The following VAV1 variants were observed in gnomAD, a reference collection of about 807,000 sequenced individuals.
VAV1 encodes the protein vav guanine nucleotide exchange factor 1.
A neutral mutation model predicts 128.1 loss-of-function variants in VAV1; 33 were observed. That is an observed-to-expected ratio of 0.26 (90% CI 0.20 to 0.34). VAV1 has a LOEUF of 0.34. VAV1 is among the 10% of genes least tolerant of loss of function. The pLI, the probability that VAV1 is intolerant of heterozygous loss-of-function variation, is 1.00. For synonymous variants in VAV1, 394 were observed against 409.8 expected, an observed-to-expected ratio of 0.96 and a Z score of 0.47; for missense variants, 715 against 1,093.7, an observed-to-expected ratio of 0.65 and a Z score of 4.88.
intron 22 of VAV1, among the ~76,000 whole-genome samples, chr19:6,846,093 T>C (rs1287793590): frequency 1.3e-5 from 2 of 149,274 alleles, no homozygotes; most frequent in Non-Finnish European, 3.0e-5. Flanking sequence ...GTTACATTTA[T>C]GTCATATTGT....
intron 22 of VAV1, among the ~76,000 whole-genome samples, chr19:6,843,719 T>C (rs895812523): frequency 1.3e-5 from 2 of 152,194 alleles, no homozygotes; most frequent in Non-Finnish European, 2.9e-5. Flanking sequence ...GTCTGTCAAG[T>C]GCTTAGTCCT....
intron 1 of VAV1, among the ~76,000 whole-genome samples, chr19:6,776,701 C>T (rs1397082042): frequency 6.8e-6 from 1 of 147,088 alleles, no homozygotes; most frequent in Non-Finnish European, 1.5e-5. Flanking sequence ...CCCACCCATT[C>T]ACCTATCCAC....
intron 1 of VAV1, among the ~76,000 whole-genome samples, chr19:6,806,039 A>G (rs900476607): frequency 6.6e-6 from 1 of 152,150 alleles, no homozygotes; most frequent in Non-Finnish European, 1.5e-5. Context: ...TTACAGGTCA[A>G]CAAACCATGA....
At chr19:6,791,099 G>C (rs1162246490) in intron 1 of VAV1, among the ~76,000 whole-genome samples, 1 of 152,196 alleles carries the variant, frequency 6.6e-6, no homozygotes, top group Non-Finnish European at 1.5e-5. Context: ...AAGGACACTT[G>C]TTATTGGATT....
chr19:6,796,735 C>A (rs995033264), intron 1 of VAV1, among the ~76,000 whole-genome samples: 2 of 152,164 alleles, frequency 1.3e-5, no homozygotes, highest in Non-Finnish European at 2.9e-5. Flanking sequence ...CCCCTCCTGA[C>A]ATTCTCCATT....
intron 6 of VAV1, among the ~76,000 whole-genome samples, chr19:6,824,413 T>C (rs1385435872): frequency 6.6e-6 from 1 of 152,260 alleles, no homozygotes; most frequent in Non-Finnish European, 1.5e-5. Context: ...ATGTGGTTTA[T>C]ATGTGTCTGG....
intron 20 of VAV1, 24 bp downstream of exon 20, chr19:6,836,592 G>A (rs1294439054): frequency 1.9e-6 from 3 of 1,612,888 alleles, no homozygotes; most frequent in Non-Finnish European, 2.5e-6. Context: ...CCACAAGAGT[G>A]ATGGGGTGGG....
intron 1 of VAV1, among the ~76,000 whole-genome samples, chr19:6,794,453 T>C (rs961304820): frequency 6.6e-6 from 1 of 152,092 alleles, no homozygotes; most frequent in Non-Finnish European, 1.5e-5. Flanking sequence ...TGCAGTGAGC[T>C]ATGATTGCAT....
At chr19:6,815,768 T>C (rs1410787322) in intron 1 of VAV1, among the ~76,000 whole-genome samples, 1 of 152,160 alleles carries the variant, frequency 6.6e-6, no homozygotes, top group Non-Finnish European at 1.5e-5. Context: ...TAATATGACT[T>C]ACCTTGAAGA....
At chr19:6,802,535 C>T (rs1971298388) in intron 1 of VAV1, among the ~76,000 whole-genome samples, 1 of 152,010 alleles carries the variant, frequency 6.6e-6, no homozygotes, top group Non-Finnish European at 1.5e-5. Context: ...TTTGAGGCAT[C>T]ACATGACTGG....
rs1319908372 is a variant in VAV1, at chr19:6,822,128, G to A, written c.450-93G>A. The A allele has an allele frequency of 9.2e-6, 12 of 1,304,136 alleles. No homozygotes were observed. The highest frequency in any genetic ancestry group is 1.3e-5 in the Non-Finnish European group (12 of 931,010). 80.8% of individuals were successfully genotyped at this position (1,304,136 alleles called of 1,614,324 possible). ...TGGAGTCTGAGGTCCCACCCTTGGA[G>A]TCTTGGGGGGACAAAGCCCTGCGCT... On this transcript the variant is annotated intron_variant, in intron 4 of 26. Coordinates refer to ENST00000602142, the MANE Select transcript of VAV1 (RefSeq NM_005428.4). The surrounding 1 kb of genome is among the most constrained non-coding windows in gnomAD (Gnocchi z 5.9).
chr19:6,832,548 T>G (rs948611834), intron 15 of VAV1, among the ~76,000 whole-genome samples: 32 of 72,338 alleles, frequency 4.4e-4, no homozygotes, highest in South Asian at 1.8e-3. Flanking sequence ...CCTCTTCTTC[T>G]TCCTCCTCCT....
At chr19:6,776,653 C>T (rs1246880998) in intron 1 of VAV1, among the ~76,000 whole-genome samples, 1 of 152,012 alleles carries the variant, frequency 6.6e-6, no homozygotes, top group Non-Finnish European at 1.5e-5. Flanking sequence ...TCTATCCATC[C>T]ATCTACTTTT....
At chr19:6,838,306 TC>T in intron 21 of VAV1, among the ~76,000 whole-genome samples, 1 of 148,564 alleles carries the variant, frequency 6.7e-6, no homozygotes, top group Admixed American at 6.7e-5. Flanking sequence ...TATCTATCTA[TC>T]TATCTATCTA....
In VAV1 at chr19:6,850,774, G is replaced by C. The variant is rs746830286; in HGVS notation, c.2217+17G>C. The C allele has an allele frequency of 1.2e-6, 2 of 1,612,496 alleles. No homozygotes were observed. Among genetic ancestry groups the C allele is most frequent in the African/African-American group, 1.3e-5 (1 of 74,830 alleles). On this transcript the variant is annotated intron_variant, in intron 24 of 26. Transcript: ENST00000602142. ...GGGCTTACGGTAAGGGTCAATGTCC[G>C]CTCAATCCCAGCTTTCCAGAACCTA...
chr19:6,806,146 G>A (rs1289380826), intron 1 of VAV1, among the ~76,000 whole-genome samples: 1 of 152,112 alleles, frequency 6.6e-6, no homozygotes, highest in Non-Finnish European at 1.5e-5. Context: ...GAGTACAGTG[G>A]CACGATCTCG....
chr19:6,826,762 T>TG lies in VAV1; in HGVS notation c.927+56dup, dbSNP rs757708446. On this transcript the variant is annotated intron_variant, in intron 9 of 26. Transcript: ENST00000602142. The surrounding 1 kb of genome is among the most constrained non-coding windows in gnomAD (Gnocchi z 4.1). Reference sequence around the variant, plus strand: ...GCCTCTCCCGCTCCTCCCCAGGCCCTGGGGGCAGCAGGGAGGACACTGAGT... The same window carrying TG: ...GCCTCTCCCGCTCCTCCCCAGGCCCTGGGGGGCAGCAGGGAGGACACTGAGT... 9 of 1,426,706 alleles carry TG rather than the reference T, an allele frequency of 6.3e-6. No individual in the cohort carries two copies. The South Asian group carries it at 1.1e-4, about 17-fold the overall frequency. 88.4% of individuals were successfully genotyped at this position (1,426,706 alleles called of 1,614,324 possible).
At position 6,825,315 on chromosome 19, in the gene VAV1, G is replaced by T. The variant is rs1057439002; in HGVS notation, c.736G>T (p.Val246Phe). Residue 246 changes from valine to phenylalanine, a missense_variant, in exon 8 of 27, where the codon GTT (valine) becomes TTT (phenylalanine). Around this residue, in one of 3 missense-constraint regions of VAV1, gnomAD observed 302 missense variants for 477.8 expected, o/e 0.63. Coordinates refer to ENST00000602142, the MANE Select transcript of VAV1 (RefSeq NM_005428.4). ...TCCCTCCGAGTAGGACCTGCTTCGT[G>T]TTCATACTCACTTCCTAAAGGAGAT... is the stretch of plus-strand genomic sequence containing the variant. ...IFINIEDLLR[V>F]HTHFLKEMKE... 1.1e-5 allele frequency: 17 copies of T among 1,612,866 alleles called. No individual in the cohort carries two copies. Among genetic ancestry groups the T allele is most frequent in the Non-Finnish European group, 1.4e-5 (16 of 1,179,678 alleles).
At chr19:6,818,870 C>T (rs1442441975) in intron 1 of VAV1, among the ~76,000 whole-genome samples, 1 of 152,128 alleles carries the variant, frequency 6.6e-6, no homozygotes, top group Non-Finnish European at 1.5e-5. Flanking sequence ...AATCCCAGCA[C>T]TTTGGGAGGC....
Sources: allele counts gnomAD v4.1 joint callset (sites outside exome capture counted in the v4.1 genomes callset), GRCh38; gene constraint gnomAD v4.1.1; regional missense constraint gnomAD v4.1.1; non-coding constraint Gnocchi (gnomAD v3.1); transcripts MANE v1.5; gene names NCBI Gene and HGNC (gene_info 2026-07-23, HGNC 2026-07-21).